The following RAPGEF2 variants were observed in gnomAD, a reference collection of about 807,000 sequenced individuals.
The protein encoded by RAPGEF2 is Rap guanine nucleotide exchange factor 2.
RAPGEF2 carries 54 observed loss-of-function variants against 186.7 expected under a neutral mutation model. The ratio of observed to expected loss-of-function variants is 0.29; its 90% CI spans 0.23 to 0.36. The LOEUF is 0.36. Ranked by LOEUF, RAPGEF2 falls within the 10% of genes least tolerant of loss-of-function variation. RAPGEF2 has a pLI of 1.00. For synonymous variants in RAPGEF2, 712 were observed against 705.9 expected (o/e 1.01, Z -0.14); for missense variants, 1,532 against 2,045.0 (o/e 0.75, Z 4.84).
rs1554038040 is a variant in RAPGEF2 at position 159,330,295 on chromosome 4, G to GTGTGTGTGTGTGTGTA, written c.1303-38_1303-37insGTGTGTGTGTGTGTAT. On this transcript the variant is annotated intron_variant, in intron 12 of 29. Transcript: ENST00000691494. ...TGTGTGTGTGTGTGTGTGTGTGTGT[G>GTGTGTGTGTGTGTGTA]TATATATATGTAGTAATTAAACCTT... 1,130 of 923,476 alleles carry GTGTGTGTGTGTGTGTA rather than the reference G, an allele frequency of 1.2e-3. 3 individuals carry two copies. The East Asian group carries it at 0.013, about 10-fold the overall frequency. The allele number at this position is 923,476 out of a possible 1,614,324, so 57.2% of individuals were successfully genotyped here. A position where few individuals can be genotyped will look rare whatever the true frequency, so the allele number is the denominator to read the frequency against.
At chr4:159,341,225 T>C (rs995550242) in intron 19 of RAPGEF2, among the ~76,000 whole-genome samples, 1 of 152,246 alleles carries the variant, frequency 6.6e-6, no homozygotes, top group Non-Finnish European at 1.5e-5. Flanking sequence ...CCTTAGGGCC[T>C]AGTCCCTTTT....
At chr4:159,234,872 ACCTCAGCCT>A (rs1398418728) in intron 4 of RAPGEF2, among the ~76,000 whole-genome samples, 1 of 152,076 alleles carries the variant, frequency 6.6e-6, no homozygotes, top group African/African-American at 2.4e-5. Context: ...CGATTCTCCT[ACCTCAGCCT>A]CCTGAGTAGT....
At chr4:159,140,090 A>G (rs1236921695) in intron 1 of RAPGEF2, among the ~76,000 whole-genome samples, 1 of 152,230 alleles carries the variant, frequency 6.6e-6, no homozygotes, top group Non-Finnish European at 1.5e-5. Flanking sequence ...TGACCAAGAT[A>G]GCATGTTGCA....
chr4:159,358,012 C>T, intron 29 of RAPGEF2, 102 bp from the exon 30 acceptor site: 5 of 1,175,030 alleles, frequency 4.3e-6, no homozygotes, highest in Non-Finnish European at 6.0e-6. Context: ...AAAAGAATAA[C>T]TATGATAGTT....
chr4:159,143,227 T>C (rs746972364), intron 1 of RAPGEF2, among the ~76,000 whole-genome samples: 13 of 151,998 alleles, frequency 8.6e-5, no homozygotes, highest in Non-Finnish European at 1.5e-4. Flanking sequence ...GGCAATACAG[T>C]GAGACCACGT....
At chr4:159,324,149 C>T (rs1293687381) in intron 11 of RAPGEF2, among the ~76,000 whole-genome samples, 1 of 152,144 alleles carries the variant, frequency 6.6e-6, no homozygotes, top group Non-Finnish European at 1.5e-5. Flanking sequence ...CCTGCCTCAG[C>T]CTCCCAAAGT....
chr4:159,274,051 C>G (rs539715592), intron 7 of RAPGEF2, among the ~76,000 whole-genome samples: 1 of 152,056 alleles, frequency 6.6e-6, no homozygotes, highest in Non-Finnish European at 1.5e-5. Context: ...CTTGGCCTCC[C>G]GAAGTGCTAG....
intron 7 of RAPGEF2, among the ~76,000 whole-genome samples, chr4:159,292,193 G>A (rs1001581699): frequency 6.6e-6 from 1 of 152,108 alleles, no homozygotes; most frequent in Non-Finnish European, 1.5e-5. Flanking sequence ...CTTTACCATA[G>A]CTCCCCACGT....
At chr4:159,163,080 TTTTG>T (rs1176568868) in intron 1 of RAPGEF2, among the ~76,000 whole-genome samples, 2 of 152,224 alleles carry the variant, frequency 1.3e-5, no homozygotes, top group Non-Finnish European at 2.9e-5. Flanking sequence ...AAGGGCTTAA[TTTTG>T]TTTCTTTTTG....
chr4:159,210,495 T>C lies in RAPGEF2; in HGVS notation c.198-5T>C. Reference sequence around the variant, plus strand: ...CAATCTGATTCTGTTACCTTTTCTTTTCAGCCCTGATGATATTGGGACCTG... The same window carrying C: ...CAATCTGATTCTGTTACCTTTTCTTCTCAGCCCTGATGATATTGGGACCTG... On this transcript the variant is annotated splice_polypyrimidine_tract_variant and splice_region_variant and intron_variant, in intron 3 of 29. Coordinates refer to ENST00000691494, the MANE Select transcript of RAPGEF2 (RefSeq NM_001394067.2). 1.3e-6 allele frequency: 2 copies of C among 1,526,504 alleles called. No individual in the cohort carries two copies. Among genetic ancestry groups the C allele is most frequent in the Non-Finnish European group, 1.8e-6 (2 of 1,138,784 alleles). The allele number at this position is 1,526,504 out of a possible 1,614,324, so 94.6% of individuals were successfully genotyped here.
intron 7 of RAPGEF2, among the ~76,000 whole-genome samples, chr4:159,290,097 G>A (rs1468322812): frequency 2.0e-5 from 3 of 152,176 alleles, no homozygotes; most frequent in Admixed American, 6.5e-5. Context: ...TTCTGGCTGC[G>A]ACATGAAGAA....
At chr4:159,332,924 G>A (rs750056236) in intron 17 of RAPGEF2, 4 of 334,080 alleles carry the variant, frequency 1.2e-5, no homozygotes, top group Non-Finnish European at 1.6e-5. Context: ...TTCCTCATTT[G>A]AACTATTTTT....
At chr4:159,342,822 A>G (rs1358937843) in intron 20 of RAPGEF2, among the ~76,000 whole-genome samples, 157 bp from the exon 21 acceptor site, 1 of 152,064 alleles carries the variant, frequency 6.6e-6, no homozygotes, top group Admixed American at 6.6e-5. Flanking sequence ...TCCCTGTGCC[A>G]TCTCATTCCC....
intron 3 of RAPGEF2, among the ~76,000 whole-genome samples, chr4:159,206,641 A>AG (rs1221721154): frequency 6.6e-6 from 1 of 152,226 alleles, no homozygotes; most frequent in African/African-American, 2.4e-5. Flanking sequence ...CAGACCTTGA[A>AG]GGGAAGCACG....
intron 3 of RAPGEF2, among the ~76,000 whole-genome samples, chr4:159,198,194 C>T (rs1167107672): frequency 6.6e-6 from 1 of 151,938 alleles, no homozygotes. Flanking sequence ...CACCCCTACC[C>T]CAGGAAGCAA....
intron 1 of RAPGEF2, among the ~76,000 whole-genome samples, chr4:159,121,149 G>A (rs1049948411): frequency 6.6e-5 from 10 of 151,782 alleles, no homozygotes; most frequent in African/African-American, 9.7e-5. Context: ...TTCTGCACCC[G>A]GCCGATCTTT....
rs192309959 is a variant in RAPGEF2 at position 159,145,276 on chromosome 4, C to T, written c.69+41045C>T. On this transcript the variant is annotated intron_variant, in intron 1 of 29. Coordinates refer to ENST00000691494, the MANE Select transcript of RAPGEF2 (RefSeq NM_001394067.2). ...ACAGTTGTCAAAATACAAGTTATAT[C>T]AGTGCTTGCTGTCGGATAGAACATA... Among the ~76,000 whole-genome samples, 14 of 152,136 alleles carry T rather than the reference C, an allele frequency of 9.2e-5. No individual in the cohort carries two copies. The East Asian group carries it at 2.5e-3, about 27-fold the overall frequency.
rs770116434 is a variant in RAPGEF2, at chr4:159,329,881, T to C, written c.1173T>C (p.Asp391=). ...AGTTTGTCTGCATAGCCCAGCAAGATTACTGCCGTATTCTCAATCAAGTAG... is the reference window on the plus strand; with the variant it reads ...AGTTTGTCTGCATAGCCCAGCAAGACTACTGCCGTATTCTCAATCAAGTAG... ...DCQFVCIAQQ[D]YCRILNQVEK... is the part of the protein sequence containing the mutation. The change falls in exon 12 of 30, where the codon GAT becomes GAC. Residue 391 remains aspartate, a synonymous_variant. Coordinates refer to ENST00000691494, the MANE Select transcript of RAPGEF2 (RefSeq NM_001394067.2). 2 of 1,612,930 alleles carry C rather than the reference T, an allele frequency of 1.2e-6. No individual in the cohort carries two copies. The highest frequency in any genetic ancestry group is 1.7e-6 in the Non-Finnish European group (2 of 1,179,316).
chr4:159,199,232 C>T (rs1212266139), intron 3 of RAPGEF2, among the ~76,000 whole-genome samples: 2 of 152,052 alleles, frequency 1.3e-5, no homozygotes, highest in African/African-American at 2.4e-5. Context: ...CAGATACTTA[C>T]GAAGGACTGT....
Sources: gnomAD v4.1 joint callset for allele counts (sites outside exome capture counted in the v4.1 genomes callset) on GRCh38, gnomAD v4.1.1 for gene constraint, MANE v1.5 for transcripts, NCBI Gene and HGNC (gene_info 2026-07-23, HGNC 2026-07-21) for gene names.